The following TRIML1 variants were observed in gnomAD, a reference collection of about 807,000 sequenced individuals.
TRIML1 encodes the protein tripartite motif family like 1.
TRIML1 carries 34 observed loss-of-function variants against 32.3 expected under a neutral mutation model. The observed-to-expected ratio is 1.05, with a 90% CI of 0.80 to 1.40. The LOEUF (loss-of-function observed/expected upper bound fraction) is 1.40, where lower values mean the gene tolerates loss of function less well. Ranked by LOEUF, TRIML1 falls within the 40% of genes most tolerant of loss-of-function variation. The pLI, the probability that TRIML1 is intolerant of heterozygous loss-of-function variation, is 0.00. For missense variants in TRIML1, 595 were observed against 574.9 expected, an observed-to-expected ratio of 1.03 and a Z score of -0.36; for synonymous variants, 244 against 226.6, an observed-to-expected ratio of 1.08 and a Z score of -0.69.
intron 2 of TRIML1, chr4:188,140,985 A>G (rs1008013757): frequency 1.8e-5 from 3 of 165,984 alleles, no homozygotes; most frequent in African/African-American, 4.8e-5. Context: ...TGCAAATTAA[A>G]AAAAATAAAG....
At chr4:188,141,152 G>A (rs991484746) in intron 2 of TRIML1, among the ~76,000 whole-genome samples, 8 of 141,426 alleles carry the variant, frequency 5.7e-5, no homozygotes, top group African/African-American at 2.1e-4. Context: ...TCTCCCAATA[G>A]ACTTTGAAAT....
rs1579173079 is a variant in TRIML1 at position 188,147,626 on chromosome 4, G to A, written c.*254G>A. The A allele has an allele frequency of 2.9e-6, 1 of 350,464 alleles. No individual in the cohort carries two copies. Among genetic ancestry groups the A allele is most frequent in the Non-Finnish European group, 5.1e-6 (1 of 196,218 alleles). The allele number at this position is 350,464 out of a possible 1,614,324, so 21.7% of individuals were successfully genotyped here. The stretch of plus-strand genomic sequence containing the variant: ...AAATGTATTCTCTGGGCTACCCCAT[G>A]TGTGTGCTGGTCACTCAAATATTGA... On this transcript the variant is annotated 3_prime_UTR_variant, in exon 6 of 6. Coordinates refer to ENST00000332517, the MANE Select transcript of TRIML1 (RefSeq NM_178556.5).
Position 188,139,955 on chromosome 4 carries a change from G to T in TRIML1, c.397G>T (p.Glu133Ter), listed in dbSNP as rs1345259969. 2 of 1,605,542 alleles carry T rather than the reference G, an allele frequency of 1.2e-6. No individual in the cohort carries two copies. The highest frequency in any genetic ancestry group is 1.1e-5 in the South Asian group (1 of 90,170). The part of the protein sequence containing the change: ...NRVHLSSEAE[E>*]HHREKLQEIL... ...AGTGCATCTCTCCAGCGAGGCTGAG[G>T]AGCATCACAGAGTAAGACAGCTGCT... The change falls in exon 1 of 6, where the codon GAG becomes TAG. Residue 133 changes from glutamate to a stop codon, truncating the protein, a stop_gained. Transcript: ENST00000332517. LOFTEE classifies it high-confidence loss of function.
downstream of TRIML1, among the ~76,000 whole-genome samples, chr4:188,149,042 T>A (rs561704963): frequency 4.6e-5 from 7 of 150,702 alleles, no homozygotes; most frequent in African/African-American, 1.7e-4. Flanking sequence ...GCCTCCCGAG[T>A]AGCTGGGACT....
chr4:188,144,169 G>A (rs1380532568), intron 5 of TRIML1, 36 bp downstream of exon 5: 3 of 1,563,096 alleles, frequency 1.9e-6, no homozygotes, highest in Admixed American at 3.4e-5. Context: ...TCCGGGGCTC[G>A]AAGAATTAAC....
intron 2 of TRIML1, among the ~76,000 whole-genome samples, 194 bp from the exon 3 acceptor site, chr4:188,142,058 A>C (rs183814767): frequency 6.7e-5 from 10 of 149,940 alleles, no homozygotes; most frequent in African/African-American, 2.5e-4. Flanking sequence ...CAGAGGTTGC[A>C]GTGAGCCGAG....
chr4:188,143,968 G>A, intron 4 of TRIML1, 68 bp from the exon 5 acceptor site: 1 of 1,604,960 alleles, frequency 6.2e-7, no homozygotes, highest in Non-Finnish European at 8.5e-7. Flanking sequence ...GAGAAATGAG[G>A]TGGACTCTCC....
Position 188,147,448 on chromosome 4 carries a change from C to T in TRIML1, c.*76C>T. The T allele has an allele frequency of 7.7e-7, 1 of 1,302,710 alleles. No individual in the cohort carries two copies. The highest frequency in any genetic ancestry group is 1.0e-6 in the Non-Finnish European group (1 of 994,646). 80.7% of individuals were successfully genotyped at this position (1,302,710 alleles called of 1,614,324 possible). On this transcript the variant is annotated 3_prime_UTR_variant, in exon 6 of 6. Coordinates refer to ENST00000332517, the MANE Select transcript of TRIML1 (RefSeq NM_178556.5). ...ACTATTAAGACGATGAAGGCATCGACAGTATTAATGTCAGGTGATCTGAAA... is the reference window on the plus strand; with the variant it reads ...ACTATTAAGACGATGAAGGCATCGATAGTATTAATGTCAGGTGATCTGAAA...
intron 5 of TRIML1, among the ~76,000 whole-genome samples, chr4:188,144,394 A>T (rs568246763): frequency 7.0e-6 from 1 of 143,454 alleles, no homozygotes; most frequent in Non-Finnish European, 1.5e-5. Context: ...ACGGAGTCTC[A>T]CTCCGTGTCC....
intron 2 of TRIML1, 38 bp downstream of exon 2, chr4:188,140,661 C>A: frequency 7.0e-7 from 1 of 1,427,450 alleles, no homozygotes; most frequent in African/African-American, 1.4e-5. Flanking sequence ...TGTATATGAC[C>A]CCATAAGGGG....
rs1560970086 is a variant in TRIML1 at position 188,140,557 on chromosome 4, G to A, written c.438G>A (p.Leu146=). ...AACTCCAGGAAATCCTGAATCTTTT[G>A]CGTGTAAGGAGAAAGGAAGCTCAGG... ...REKLQEILNL[L]RVRRKEAQAV... The change falls in exon 2 of 6, where the codon TTG becomes TTA. Residue 146 remains leucine, a synonymous_variant. Transcript: ENST00000332517. The A allele has an allele frequency of 6.2e-7, 1 of 1,614,088 alleles. No homozygotes were observed. Among genetic ancestry groups the A allele is most frequent in the Non-Finnish European group, 8.5e-7 (1 of 1,179,960 alleles).
At chr4:188,138,661 A>C (rs866381670), upstream of TRIML1, among the ~76,000 whole-genome samples, 1 of 152,192 alleles carries the variant, frequency 6.6e-6, no homozygotes, top group African/African-American at 2.4e-5. Flanking sequence ...GTAAGAACTG[A>C]TAATCAGGGA....
chr4:188,137,924 C>T (rs7441586), upstream of TRIML1, among the ~76,000 whole-genome samples: 113,787 of 139,940 alleles, frequency 0.81, 45,909 homozygotes, highest in Non-Finnish European at 0.86. Flanking sequence ...AACTTTTTTT[C>T]TTTTTTTTTT....
downstream of TRIML1, among the ~76,000 whole-genome samples, chr4:188,148,661 G>A (rs1458867434): frequency 6.6e-6 from 1 of 151,406 alleles, no homozygotes; most frequent in African/African-American, 2.4e-5. Context: ...GGAGTGCAAT[G>A]GAGCGATCGC....
downstream of TRIML1, among the ~76,000 whole-genome samples, chr4:188,149,621 G>C (rs1310923122): frequency 6.6e-6 from 1 of 152,096 alleles, no homozygotes; most frequent in Non-Finnish European, 1.5e-5. Context: ...AGAAGAAACA[G>C]GCTCAAGAGT....
At position 188,146,895 on chromosome 4, in the gene TRIML1, T is replaced by C; in HGVS notation, c.930T>C (p.Tyr310=). ...VLSEDLKSVK[Y]GGSRQQLPDN... ...CGGAGGATCTGAAGAGTGTGAAATA[T>C]GGGGGAAGCAGACAGCAGCTACCCG... The change falls in exon 6 of 6, where the codon TAT becomes TAC. Residue 310 remains tyrosine (Y), a synonymous_variant. Transcript: ENST00000332517. 1 of 1,491,538 alleles carries C rather than the reference T, an allele frequency of 6.7e-7. No individual in the cohort carries two copies. The highest frequency in any genetic ancestry group is 8.9e-7 in the Non-Finnish European group (1 of 1,119,880). 92.4% of individuals were successfully genotyped at this position (1,491,538 alleles called of 1,614,324 possible). A position where few individuals can be genotyped will look rare whatever the true frequency, so the allele number is the denominator to read the frequency against.
upstream of TRIML1, among the ~76,000 whole-genome samples, chr4:188,138,470 C>A (rs1734733873): frequency 2.0e-5 from 3 of 152,062 alleles, no homozygotes; most frequent in Admixed American, 2.0e-4. Context: ...TTTTGAGGTG[C>A]AACTTCCTGG....
At chr4:188,150,547 C>T (rs868614862), downstream of TRIML1, among the ~76,000 whole-genome samples, 1 of 152,156 alleles carries the variant, frequency 6.6e-6, no homozygotes, top group African/African-American at 2.4e-5. Flanking sequence ...CCAAAAATCC[C>T]AGTTTTGTGG....
chr4:188,147,780 A>T (rs1735146369), downstream of TRIML1: 1 of 155,146 alleles, frequency 6.4e-6, no homozygotes, highest in South Asian at 2.1e-4. Flanking sequence ...CTCCGTGCAG[A>T]GCTCCGCATG....
Sources: allele counts gnomAD v4.1 joint callset (sites outside exome capture counted in the v4.1 genomes callset), GRCh38; gene constraint gnomAD v4.1.1; transcripts MANE v1.5; gene names NCBI Gene and HGNC (gene_info 2026-07-23, HGNC 2026-07-21).